Variants in LRIF1 observed in about 807,000 individuals in gnomAD.
The protein encoded by LRIF1 is ligand dependent nuclear receptor interacting factor 1, also known as ligand-dependent nuclear receptor-interacting factor 1.
In LRIF1, 32 loss-of-function variants were observed where a neutral mutation model predicts 52.7. That is an observed-to-expected ratio of 0.61 (90% CI 0.46 to 0.82). The LOEUF is 0.82. LRIF1 is among the 40% of genes least tolerant of loss of function. The probability of loss-of-function intolerance (pLI) is 0.00; values close to 1 mark genes in which losing one functional copy is unlikely to be tolerated. For synonymous variants in LRIF1, 323 were observed against 317.4 expected (o/e 1.02, Z -0.19); for missense variants, 887 against 892.0 (o/e 0.99, Z 0.07).
At chr1:110,925,962 G>A in the LRIF1 span, among the ~76,000 whole-genome samples, 2 of 152,010 alleles carry the variant, frequency 1.3e-5, no homozygotes, top group African/African-American at 2.4e-5. Flanking sequence ...AATAACAAAT[G>A]TGTAAGAATT....
At chr1:110,911,131 T>C in the LRIF1 span, among the ~76,000 whole-genome samples, 1 of 151,076 alleles carries the variant, frequency 6.6e-6, no homozygotes, top group East Asian at 1.9e-4. Context: ...AATAAGAAGA[T>C]ACAAATAAAC....
chr1:110,935,630 C>T, the LRIF1 span, among the ~76,000 whole-genome samples: 1 of 151,886 alleles, frequency 6.6e-6, no homozygotes, highest in Non-Finnish European at 1.5e-5. Flanking sequence ...GCTTAAAGAC[C>T]TGTTATTTGA....
the LRIF1 span, among the ~76,000 whole-genome samples, chr1:110,905,945 CAG>C: frequency 6.6e-6 from 1 of 151,656 alleles, no homozygotes; most frequent in Non-Finnish European, 1.5e-5. Flanking sequence ...TTTTTAAATG[CAG>C]AGAGTGTTAA....
chr1:110,886,869 A>ATATATATATATATATATATATATAT, the LRIF1 span, among the ~76,000 whole-genome samples: 7 of 82,784 alleles, frequency 8.5e-5, no homozygotes, highest in East Asian at 6.7e-4. Flanking sequence ...ATATATATAT[A>ATATATATATATATATATATATATAT]TTTTTTTTTT....
the LRIF1 span, among the ~76,000 whole-genome samples, chr1:110,909,024 C>G: frequency 6.6e-6 from 1 of 152,072 alleles, no homozygotes; most frequent in Non-Finnish European, 1.5e-5. Context: ...AACAGTGGAC[C>G]TCTTAGCAGA....
intron 1 of LRIF1, among the ~76,000 whole-genome samples, chr1:110,955,316 C>T (rs1393581863): frequency 1.3e-5 from 2 of 152,222 alleles, no homozygotes; most frequent in Non-Finnish European, 2.9e-5. Context: ...TCCAAATCAA[C>T]TGTTACCACT....
downstream of LRIF1, chr1:110,943,868 T>C (rs1052823405): frequency 1.3e-5 from 2 of 152,198 alleles, no homozygotes; most frequent in Non-Finnish European, 2.9e-5. Flanking sequence ...AATTTCAACT[T>C]CTTTATCTAA....
rs1341998814 is a variant in LRIF1 at position 110,963,449 on chromosome 1, A to G, written c.68+172T>C. On this transcript the variant is annotated intron_variant, in intron 1 of 3. Transcript: ENST00000369763. ...AAGAGGTTTTACATTTCCCAGAGGA[A>G]AGCGCTCTATGGGCTTTAAGCGCCG... The G allele has an allele frequency of 4.6e-5, 23 of 495,020 alleles. No homozygotes were observed. The Admixed American group carries it at 7.4e-4, about 16-fold the overall frequency. The allele number at this position is 495,020 out of a possible 1,614,324, so 30.7% of individuals were successfully genotyped here.
intron 2 of LRIF1, among the ~76,000 whole-genome samples, 170 bp from the exon 3 acceptor site, chr1:110,950,293 G>A (rs986243717): frequency 6.6e-6 from 1 of 152,144 alleles, no homozygotes; most frequent in Non-Finnish European, 1.5e-5. Flanking sequence ...ATATAAGGAA[G>A]TACAAACTTA....
At chr1:110,912,752 T>G in the LRIF1 span, among the ~76,000 whole-genome samples, 1 of 152,332 alleles carries the variant, frequency 6.6e-6, no homozygotes, top group Admixed American at 6.5e-5. Flanking sequence ...ATGGCCATAC[T>G]GCCCAAAGCA....
At chr1:110,889,085 C>A in the LRIF1 span, among the ~76,000 whole-genome samples, 7 of 150,384 alleles carry the variant, frequency 4.7e-5, no homozygotes, top group Admixed American at 4.7e-4. Context: ...TGAGGACTGG[C>A]AAATGTCACA....
At chr1:110,958,996 C>A (rs577042019) in intron 1 of LRIF1, among the ~76,000 whole-genome samples, 82 of 152,238 alleles carry the variant, frequency 5.4e-4, no homozygotes, top group South Asian at 1.4e-3. Flanking sequence ...CTAGAAGGAG[C>A]CTTCCATTGA....
the LRIF1 span, among the ~76,000 whole-genome samples, chr1:110,911,163 T>TTC: frequency 6.6e-6 from 1 of 151,720 alleles, no homozygotes; most frequent in Admixed American, 6.6e-5. Context: ...TGATAAAGTT[T>TTC]ATGCTACCCT....
chr1:110,951,227 T>C, intron 2 of LRIF1, 61 bp downstream of exon 2: 1 of 1,369,352 alleles, frequency 7.3e-7, no homozygotes, highest in Non-Finnish European at 1.0e-6. Context: ...CTTTGAGAAT[T>C]AAGAAAACAA....
intron 1 of LRIF1, among the ~76,000 whole-genome samples, chr1:110,954,939 A>T (rs897205755): frequency 6.6e-6 from 1 of 152,062 alleles, no homozygotes; most frequent in African/African-American, 2.4e-5. Context: ...CCTATTCTGT[A>T]CTCTTTTGTT....
At chr1:110,963,456 C>G in intron 1 of LRIF1, 165 bp downstream of exon 1, 1 of 529,786 alleles carries the variant, frequency 1.9e-6, no homozygotes, top group Admixed American at 3.1e-5. Flanking sequence ...GGAAAGCGCT[C>G]TATGGGCTTT....
chr1:110,962,717 T>C (rs1275706933), intron 1 of LRIF1, among the ~76,000 whole-genome samples: 1 of 152,232 alleles, frequency 6.6e-6, no homozygotes, highest in Non-Finnish European at 1.5e-5. Context: ...AAAGTTGAGA[T>C]TAACCCCAGG....
At chr1:110,890,084 C>G in the LRIF1 span, among the ~76,000 whole-genome samples, 1 of 152,102 alleles carries the variant, frequency 6.6e-6, no homozygotes, top group Non-Finnish European at 1.5e-5. Context: ...TCCCTCAAGA[C>G]CATGTGATTC....
At chr1:110,922,053 T>C in the LRIF1 span, among the ~76,000 whole-genome samples, 1 of 152,290 alleles carries the variant, frequency 6.6e-6, no homozygotes, top group East Asian at 1.9e-4. Context: ...TAGCTCCCAC[T>C]TATAAGTGAG....
Sources: gnomAD v4.1 joint callset for allele counts (sites outside exome capture counted in the v4.1 genomes callset) on GRCh38, gnomAD v4.1.1 for gene constraint, MANE v1.5 for transcripts, NCBI Gene and HGNC (gene_info 2026-07-23, HGNC 2026-07-21) for gene names.